The following CERS6 variants were observed in gnomAD, a reference collection of about 807,000 sequenced individuals.
The protein encoded by CERS6 is LAG1 homolog, ceramide synthase 6.
Under a neutral mutation model 56.8 loss-of-function variants are expected in CERS6, and 26 were observed. The observed-to-expected ratio is 0.46, with a 90% CI of 0.34 to 0.63. The LOEUF (loss-of-function observed/expected upper bound fraction) is 0.63, where lower values mean the gene tolerates loss of function less well. CERS6 is among the 30% of genes least tolerant of loss of function. CERS6 has a pLI of 0.01. For synonymous variants in CERS6, 164 were observed against 173.3 expected (o/e 0.95, Z 0.42); for missense variants, 415 against 467.5 (o/e 0.89, Z 1.04).
chr2:168,718,086 G>A (rs887231434), intron 8 of CERS6, 108 bp downstream of exon 8: 11 of 710,130 alleles, frequency 1.5e-5, no homozygotes, highest in Middle Eastern at 4.9e-4. Flanking sequence ...TAAATATATT[G>A]GGGGGGAGGG....
intron 1 of CERS6, among the ~76,000 whole-genome samples, chr2:168,520,345 A>G (rs1302799845): frequency 6.6e-6 from 1 of 152,060 alleles, no homozygotes; most frequent in East Asian, 1.9e-4. Context: ...TGTTGCGTGC[A>G]TAGTTTGCAA....
chr2:168,670,975 C>T lies in CERS6; in HGVS notation c.466-20059C>T, dbSNP rs375984013. On this transcript the variant is annotated intron_variant, in intron 4 of 9. Coordinates refer to ENST00000305747, the MANE Select transcript of CERS6 (RefSeq NM_203463.3). ...GTGCTGGATACATGCTTCCCCCCCC[C>T]CCCCCAGACGGAAGCTTGCTCTGTT... Among the ~76,000 whole-genome samples the T allele has an allele frequency of 7.1e-5, 5 of 69,942 alleles. 1 individual carries two copies. The highest frequency in any genetic ancestry group is 1.5e-4 in the Non-Finnish European group (3 of 20,210). The allele number at this position is 69,942 out of a possible 152,430, so 45.9% of individuals were successfully genotyped here. A position where few individuals can be genotyped will look rare whatever the true frequency, so the allele number is the denominator to read the frequency against.
intron 1 of CERS6, among the ~76,000 whole-genome samples, chr2:168,504,154 T>G (rs1694634716): frequency 6.6e-6 from 1 of 152,190 alleles, no homozygotes; most frequent in Non-Finnish European, 1.5e-5. Context: ...CTCATGCCTG[T>G]AATCCCAGCA....
chr2:168,587,131 A>G (rs989919072), intron 3 of CERS6, among the ~76,000 whole-genome samples: 2 of 41,728 alleles, frequency 4.8e-5, no homozygotes, highest in Non-Finnish European at 1.1e-4. Context: ...ATGAGCCAAG[A>G]TTGTGCCAGT....
In CERS6 at chr2:168,635,859, G is replaced by A. The variant is rs928842933; in HGVS notation, c.465+4817G>A. ...TCTCAAATTCAACACACAAAGCCAC[G>A]AAGTGTTCCCTGGTTTCATACTTTG... On this transcript the variant is annotated intron_variant, in intron 4 of 9. Coordinates refer to ENST00000305747, the MANE Select transcript of CERS6 (RefSeq NM_203463.3). Among the ~76,000 whole-genome samples the A allele has an allele frequency of 5.3e-5, 8 of 152,146 alleles. No homozygotes were observed. In the South Asian group the frequency reaches 1.2e-3, roughly 24 times the overall value.
At chr2:168,620,077 A>G (rs1684432436) in intron 3 of CERS6, among the ~76,000 whole-genome samples, 1 of 149,554 alleles carries the variant, frequency 6.7e-6, no homozygotes, top group African/African-American at 2.5e-5. Context: ...TTATATATAT[A>G]TGATCTAATA....
At chr2:168,731,885 C>T (rs528461432) in intron 8 of CERS6, among the ~76,000 whole-genome samples, 1 of 152,194 alleles carries the variant, frequency 6.6e-6, no homozygotes, top group East Asian at 1.9e-4. Context: ...TAAATTACTT[C>T]CCTTTCCTAG....
intron 8 of CERS6, among the ~76,000 whole-genome samples, chr2:168,724,197 C>T (rs574311057): frequency 8.0e-5 from 12 of 150,414 alleles, no homozygotes; most frequent in East Asian, 5.9e-4. Context: ...TGCAGACCTT[C>T]GCAGTGAGTG....
chr2:168,583,453 T>G (rs1318649800), intron 3 of CERS6, among the ~76,000 whole-genome samples: 1 of 152,204 alleles, frequency 6.6e-6, no homozygotes, highest in Non-Finnish European at 1.5e-5. Context: ...CAGAATCTTT[T>G]TAGCTTTCCT....
intron 4 of CERS6, among the ~76,000 whole-genome samples, chr2:168,678,889 T>A (rs1453960787): frequency 6.6e-6 from 1 of 152,218 alleles, no homozygotes; most frequent in Non-Finnish European, 1.5e-5. Context: ...ACTCCCATGT[T>A]TATTGCAGCA....
intron 4 of CERS6, among the ~76,000 whole-genome samples, chr2:168,643,819 C>G (rs561546339): frequency 1.3e-5 from 2 of 152,316 alleles, no homozygotes; most frequent in Non-Finnish European, 2.9e-5. Flanking sequence ...CCTTTCTATA[C>G]GCCCGGATAA....
intron 3 of CERS6, among the ~76,000 whole-genome samples, chr2:168,573,101 AAAG>A (rs1333795214): frequency 6.6e-6 from 1 of 152,142 alleles, no homozygotes; most frequent in Non-Finnish European, 1.5e-5. Flanking sequence ...AATGGAGAAA[AAAG>A]GGGTGACTGG....
intron 6 of CERS6, among the ~76,000 whole-genome samples, chr2:168,702,338 G>T (rs1686826314): frequency 6.6e-6 from 1 of 152,122 alleles, no homozygotes; most frequent in Non-Finnish European, 1.5e-5. Context: ...TTACTTGAAA[G>T]AATGATAAAC....
rs1553497951 is a variant in CERS6 at position 168,600,211 on chromosome 2, T to TCTC, written c.408-30774_408-30773insCTC. ...ATATTTCTCTCTCTCTCTCTCTCTC[T>TCTC]TTTTTTTTTTTTAATCGGAGTCTGG... On this transcript the variant is annotated intron_variant, in intron 3 of 9. Coordinates refer to ENST00000305747, the MANE Select transcript of CERS6 (RefSeq NM_203463.3). 1.8e-3 allele frequency among the ~76,000 whole-genome samples: 153 copies of TCTC among 87,004 alleles called. 1 individual carries two copies. The highest frequency in any genetic ancestry group is 6.3e-3 in the Middle Eastern group (1 of 158). 57.1% of individuals were successfully genotyped at this position (87,004 alleles called of 152,430 possible).
chr2:168,518,624 C>T (rs1347181142), intron 1 of CERS6, among the ~76,000 whole-genome samples: 1 of 152,134 alleles, frequency 6.6e-6, no homozygotes, highest in Non-Finnish European at 1.5e-5. Context: ...ACACAGAGCT[C>T]TCCAAGCTCT....
intron 1 of CERS6, among the ~76,000 whole-genome samples, chr2:168,540,906 T>C (rs977400188): frequency 1.1e-4 from 16 of 152,236 alleles, no homozygotes; most frequent in African/African-American, 3.6e-4. Flanking sequence ...TGTCTTAGCC[T>C]GTTTTGTGTT....
At chr2:168,735,386 A>G (rs1446552162) in intron 8 of CERS6, among the ~76,000 whole-genome samples, 1 of 152,054 alleles carries the variant, frequency 6.6e-6, no homozygotes, top group Non-Finnish European at 1.5e-5. Flanking sequence ...TCTGCTTCCT[A>G]AAAATTTATA....
At chr2:168,545,539 G>T (rs1395272321) in intron 1 of CERS6, among the ~76,000 whole-genome samples, 1 of 151,310 alleles carries the variant, frequency 6.6e-6, no homozygotes, top group Non-Finnish European at 1.5e-5. Flanking sequence ...TAACAGAGGT[G>T]AGGAAGTTGA....
chr2:168,647,447 A>T (rs751713793), intron 4 of CERS6, among the ~76,000 whole-genome samples: 1 of 152,202 alleles, frequency 6.6e-6, no homozygotes, highest in Non-Finnish European at 1.5e-5. Context: ...ATATCGAATC[A>T]TGTTGTCTGC....
Sources: allele counts gnomAD v4.1 joint callset (sites outside exome capture counted in the v4.1 genomes callset), GRCh38; gene constraint gnomAD v4.1.1; transcripts MANE v1.5; gene names NCBI Gene and HGNC (gene_info 2026-07-23, HGNC 2026-07-21).